The following SLC26A3 variants were observed in gnomAD, a reference collection of about 807,000 sequenced individuals.
SLC26A3 encodes solute carrier family 26 member 3, also known as chloride anion exchanger.
A neutral mutation model predicts 85.6 loss-of-function variants in SLC26A3; 64 were observed. That is an observed-to-expected ratio of 0.75 (90% confidence interval 0.61 to 0.92). SLC26A3 has a LOEUF of 0.92. Among genes scored for constraint, SLC26A3 ranks in the 40% least tolerant of loss-of-function variants. The probability of loss-of-function intolerance (pLI) is 0.00; values close to 1 mark genes in which losing one functional copy is unlikely to be tolerated. For synonymous variants in SLC26A3, 349 were observed against 336.0 expected, an observed-to-expected ratio of 1.04 and a Z score of -0.42; for missense variants, 922 against 927.3, an observed-to-expected ratio of 0.99 and a Z score of 0.07.
In SLC26A3 at chr7:107,765,776, G is replaced by C; in HGVS notation, c.*79C>G. 1 of 1,044,542 alleles carries C rather than the reference G, an allele frequency of 9.6e-7. No homozygotes were observed. Among genetic ancestry groups the C allele is most frequent in the Non-Finnish European group, 1.5e-6 (1 of 663,202 alleles). The allele number at this position is 1,044,542 out of a possible 1,614,324, so 64.7% of individuals were successfully genotyped here. A position where few individuals can be genotyped will look rare whatever the true frequency, so the allele number is the denominator to read the frequency against. ...CAAAAATACTCTTCGTACAATGTAT[G>C]AACTTATCAATAACTTTCTGGGTAT... On this transcript the variant is annotated 3_prime_UTR_variant, in exon 21 of 21. Transcript: ENST00000340010.
chr7:107,795,468 A>G (rs1222516703), intron 1 of SLC26A3, among the ~76,000 whole-genome samples: 2 of 152,170 alleles, frequency 1.3e-5, no homozygotes, highest in African/African-American at 4.8e-5. Context: ...CACATTACCA[A>G]GTTAGCCTTC....
chr7:107,767,903 A>C lies in SLC26A3; in HGVS notation c.2068T>G (p.Phe690Val). The change falls in exon 19 of 21, where the codon TTC becomes GTC. Residue 690 changes from phenylalanine (F) to valine (V), a missense_variant. Physicochemically the swap from Phe to Val is conservative, Grantham distance 50. Transcript: ENST00000340010. ...TCATACCGGTTAAGCTTCTCAATGA[A>C]GTCATCTGAAGAGAAAAAAACAGTA... The part of the protein sequence containing the change: ...DVYIVGTDDD[F>V]IEKLNRYEFF... The C allele has an allele frequency of 1.2e-6, 2 of 1,613,470 alleles. No homozygotes were observed. Among genetic ancestry groups the C allele is most frequent in the Non-Finnish European group, 1.7e-6 (2 of 1,179,638 alleles).
At chr7:107,779,275 A>G (rs2115831031) in intron 12 of SLC26A3, among the ~76,000 whole-genome samples, 1 of 152,326 alleles carries the variant, frequency 6.6e-6, no homozygotes. Context: ...TCCAAAAGCA[A>G]TGTTCAGAAA....
rs188133295 is a variant in SLC26A3, at chr7:107,800,837, T to C, written c.-89+2274A>G. On this transcript the variant is annotated intron_variant, in intron 1 of 20. Transcript: ENST00000340010. ...GAAGGTTTTGTGAAGGAACTGTGAG[T>C]CTTGTGTTAGACTTTAAAGAACAGA... is the stretch of plus-strand genomic sequence containing the variant. 3.0e-3 allele frequency among the ~76,000 whole-genome samples: 453 copies of C among 152,272 alleles called. 3 individuals carry two copies. Among genetic ancestry groups the C allele is most frequent in the African/African-American group, 0.01 (426 of 41,550 alleles).
At chr7:107,781,097 G>A (rs1010585385) in intron 11 of SLC26A3, among the ~76,000 whole-genome samples, 3 of 152,016 alleles carry the variant, frequency 2.0e-5, no homozygotes, top group African/African-American at 7.2e-5. Context: ...AGTAATTTAC[G>A]ATGACATACA....
intron 1 of SLC26A3, among the ~76,000 whole-genome samples, chr7:107,801,019 C>A (rs1670696624): frequency 6.6e-6 from 1 of 152,186 alleles, no homozygotes; most frequent in African/African-American, 2.4e-5. Flanking sequence ...ATTTCACACC[C>A]AGTAGGCTCA....
intron 1 of SLC26A3, among the ~76,000 whole-genome samples, chr7:107,798,803 A>G (rs1794554742): frequency 6.6e-6 from 1 of 152,184 alleles, no homozygotes; most frequent in Admixed American, 6.5e-5. Context: ...AACTCACCTC[A>G]TGGATCTCAA....
chr7:107,787,222 C>A, intron 7 of SLC26A3, 135 bp downstream of exon 7: 1 of 883,006 alleles, frequency 1.1e-6, no homozygotes, highest in East Asian at 2.4e-5. Context: ...AAAATAAAAC[C>A]ATGCTAAACA....
Position 107,776,615 on chromosome 7 carries a change from G to A in SLC26A3, c.1584+22C>T, listed in dbSNP as rs755325196. 14 of 1,610,632 alleles carry A rather than the reference G, an allele frequency of 8.7e-6. No individual in the cohort carries two copies. The South Asian group carries it at 1.4e-4, about 16-fold the overall frequency. ...AGTTAATATCATTTAGCAAGTCAAA[G>A]AAAAACATGAATCTCCCTTACATCA... is the stretch of plus-strand genomic sequence containing the variant. On this transcript the variant is annotated intron_variant, in intron 14 of 20. Coordinates refer to ENST00000340010, the MANE Select transcript of SLC26A3 (RefSeq NM_000111.3).
chr7:107,789,487 T>G (rs144888198), intron 6 of SLC26A3, 37 bp downstream of exon 6: 1 of 1,590,008 alleles, frequency 6.3e-7, no homozygotes, highest in Admixed American at 1.7e-5. Flanking sequence ...GTGAGTTTCA[T>G]GTATTTCAGT....
intron 8 of SLC26A3, among the ~76,000 whole-genome samples, chr7:107,784,908 T>A (rs1375822359): frequency 4.6e-5 from 7 of 152,264 alleles, no homozygotes; most frequent in Non-Finnish European, 1.0e-4. Flanking sequence ...AGCCAAATTA[T>A]TTGTATTTAG....
chr7:107,776,017 A>G, intron 15 of SLC26A3: 1 of 231,856 alleles, frequency 4.3e-6, no homozygotes, highest in Non-Finnish European at 8.5e-6. Flanking sequence ...TTTGCCAGGG[A>G]CACTCAGTAT....
chr7:107,794,500 G>A lies in SLC26A3; in HGVS notation c.10C>T (p.Pro4Ser), dbSNP rs529161051. 1.2e-6 allele frequency: 2 copies of A among 1,613,966 alleles called. No homozygotes were observed. The highest frequency in any genetic ancestry group is 1.3e-5 in the African/African-American group (1 of 75,024). ...GCCACAATATACTGATTCCCAAAGG[G>A]TTCAATCATTTTGATTTTTCTGTTG... MIE[P>S]FGNQYIVARP... is the part of the protein sequence containing the mutation. The change falls in exon 2 of 21, where the codon CCC (proline) becomes TCC (serine). Residue 4 changes from proline to serine, a missense_variant. Physicochemically the swap from Pro to Ser is moderately conservative, Grantham distance 74. Transcript: ENST00000340010.
chr7:107,789,499 T>G, intron 6 of SLC26A3, 25 bp downstream of exon 6: 6 of 1,606,388 alleles, frequency 3.7e-6, no homozygotes, highest in Non-Finnish European at 5.1e-6. Flanking sequence ...TATTTCAGTA[T>G]TTTTTAGGTG....
At chr7:107,775,137 CATAAACTCT>C (rs1434511228) in intron 15 of SLC26A3, among the ~76,000 whole-genome samples, 1 of 152,318 alleles carries the variant, frequency 6.6e-6, no homozygotes, top group African/African-American at 2.4e-5. Flanking sequence ...CATGAATGGA[CATAAACTCT>C]ATTTGAATCT....
intron 4 of SLC26A3, 34 bp from the exon 5 acceptor site, chr7:107,791,269 T>C (rs780931559): frequency 3.1e-6 from 5 of 1,593,074 alleles, no homozygotes; most frequent in Non-Finnish European, 4.3e-6. Flanking sequence ...GGTCAGTATA[T>C]GCCTCTCTAA....
intron 6 of SLC26A3, among the ~76,000 whole-genome samples, chr7:107,789,289 T>C (rs1227028121): frequency 6.6e-6 from 1 of 151,686 alleles, no homozygotes; most frequent in Non-Finnish European, 1.5e-5. Flanking sequence ...GCTATTTTTT[T>C]TTTTTAATTT....
At chr7:107,797,365 G>A (rs1226190709) in intron 1 of SLC26A3, among the ~76,000 whole-genome samples, 2 of 152,134 alleles carry the variant, frequency 1.3e-5, no homozygotes, top group Non-Finnish European at 1.5e-5. Context: ...GTGGTGGCGG[G>A]CACCTGTAAT....
chr7:107,783,231 A>G lies in SLC26A3; in HGVS notation c.1093T>C (p.Tyr365His). ...TGATTGCCATCAAGTGGATAATCGT[A>G]TTTGAGGGAATAGACGCTGGCAACT... ...FSVASVYSLK[Y>H]DYPLDGNQEL... The change falls in exon 9 of 21, where the codon TAC (tyrosine) becomes CAC (histidine). Residue 365 changes from tyrosine (Y) to histidine (H), a missense_variant. Tyr to His is a moderately conservative substitution (Grantham distance 83). Coordinates refer to ENST00000340010, the MANE Select transcript of SLC26A3 (RefSeq NM_000111.3). 6.2e-7 allele frequency: 1 copy of G among 1,614,206 alleles called. No homozygotes were observed. The highest frequency in any genetic ancestry group is 8.5e-7 in the Non-Finnish European group (1 of 1,180,032).
Sources: gnomAD v4.1 joint callset for allele counts (sites outside exome capture counted in the v4.1 genomes callset) on GRCh38, gnomAD v4.1.1 for gene constraint, MANE v1.5 for transcripts, NCBI Gene and HGNC (gene_info 2026-07-23, HGNC 2026-07-21) for gene names.